DENND5B: variants seen among roughly 807,000 people sequenced by gnomAD.
DENND5B encodes the protein DENN domain-containing protein 5B.
DENND5B carries 34 observed loss-of-function variants against 140.6 expected under a neutral mutation model. The observed-to-expected ratio is 0.24, with a 90% confidence interval of 0.18 to 0.32. DENND5B has a LOEUF of 0.32. Ranked by LOEUF, DENND5B falls within the 10% of genes least tolerant of loss-of-function variation. The pLI is 1.00. For missense variants in DENND5B, 1,142 were observed against 1,560.2 expected, an observed-to-expected ratio of 0.73 and a Z score of 4.52; for synonymous variants, 551 against 562.1, an observed-to-expected ratio of 0.98 and a Z score of 0.28.
At chr12:31,471,431 G>A (rs1018184827) in intron 3 of DENND5B, among the ~76,000 whole-genome samples, 1 of 151,110 alleles carries the variant, frequency 6.6e-6, no homozygotes, top group Admixed American at 6.6e-5. Flanking sequence ...CCAAGTAGCT[G>A]AGATTACAAT....
chr12:31,511,847 T>C (rs1395671320), intron 1 of DENND5B, among the ~76,000 whole-genome samples: 2 of 151,688 alleles, frequency 1.3e-5, no homozygotes, highest in South Asian at 2.1e-4. Flanking sequence ...GCTTTGAAAA[T>C]GATTCATTTC....
intron 1 of DENND5B, 196 bp downstream of exon 1, chr12:31,590,510 G>T: frequency 1.5e-6 from 1 of 647,898 alleles, no homozygotes; most frequent in Non-Finnish European, 2.3e-6. Context: ...CCCGGTGGGC[G>T]CAGCCGCAAA....
chr12:31,492,645 A>G (rs1359193300), intron 2 of DENND5B, among the ~76,000 whole-genome samples: 1 of 152,212 alleles, frequency 6.6e-6, no homozygotes, highest in African/African-American at 2.4e-5. Flanking sequence ...TGATCTATTC[A>G]TATTCTTATC....
intron 13 of DENND5B, among the ~76,000 whole-genome samples, chr12:31,410,433 C>T (rs971344909): frequency 3.9e-5 from 6 of 152,070 alleles, no homozygotes; most frequent in African/African-American, 9.7e-5. Context: ...GATGAGGTCT[C>T]GTTCTATAAC....
intron 1 of DENND5B, among the ~76,000 whole-genome samples, chr12:31,547,797 C>G (rs1347987779): frequency 1.3e-5 from 2 of 151,360 alleles, no homozygotes; most frequent in Non-Finnish European, 2.9e-5. Flanking sequence ...CCTCTACCAC[C>G]GGGTTCAAGC....
rs186749018 is a variant in DENND5B, at chr12:31,580,881, G to A, written c.127+9825C>T. ...AGCACTTTGAGAGGCCAAGATGGGC[G>A]GATCCCTTGAGCCCAGGAGTTCAAG... is the stretch of plus-strand genomic sequence containing the variant. On this transcript the variant is annotated intron_variant, in intron 1 of 20. Transcript: ENST00000389082. Among the ~76,000 whole-genome samples the A allele has an allele frequency of 8.1e-3, 1,233 of 152,140 alleles. 11 individuals carry two copies. The highest frequency in any genetic ancestry group is 0.028 in the African/African-American group (1,145 of 41,500).
At chr12:31,473,680 G>A (rs1429720839) in intron 3 of DENND5B, among the ~76,000 whole-genome samples, 1 of 152,174 alleles carries the variant, frequency 6.6e-6, no homozygotes, top group East Asian at 1.9e-4. Flanking sequence ...ATTGGATATT[G>A]ATTTAAAGTG....
At chr12:31,472,484 G>T (rs778808622) in intron 3 of DENND5B, among the ~76,000 whole-genome samples, 11 of 152,118 alleles carry the variant, frequency 7.2e-5, no homozygotes, top group Non-Finnish European at 1.5e-4. Flanking sequence ...TAGAGACAGG[G>T]TTTCCCTATG....
intron 2 of DENND5B, among the ~76,000 whole-genome samples, chr12:31,488,585 G>C (rs1946402108): frequency 6.6e-6 from 1 of 152,076 alleles, no homozygotes; most frequent in Non-Finnish European, 1.5e-5. Flanking sequence ...AAAAAAGTAA[G>C]AACTATATAT....
At chr12:31,509,227 C>A (rs1440447116) in intron 1 of DENND5B, among the ~76,000 whole-genome samples, 1 of 152,184 alleles carries the variant, frequency 6.6e-6, no homozygotes, top group Admixed American at 6.5e-5. Flanking sequence ...AACGTTTACA[C>A]AACCAAGCTC....
chr12:31,531,845 G>A (rs1150955), intron 1 of DENND5B, among the ~76,000 whole-genome samples: 124,148 of 152,184 alleles, frequency 0.82, 50,968 homozygotes, highest in African/African-American at 0.9. Context: ...AACTGGCCTA[G>A]AAGTAAAATC....
At position 31,386,252 on chromosome 12, in the gene DENND5B, T is replaced by C. The variant is rs1940845820; in HGVS notation, c.*1351A>G. Reference sequence around the variant, plus strand: ...AATTTTGCTGCTAAAAATGTACAAATGCCTAATTAGAGTTACAGGACCTAC... The same window carrying C: ...AATTTTGCTGCTAAAAATGTACAAACGCCTAATTAGAGTTACAGGACCTAC... On this transcript the variant is annotated 3_prime_UTR_variant, in exon 21 of 21. Transcript: ENST00000389082. 1 of 154,838 alleles carries C rather than the reference T, an allele frequency of 6.5e-6. No homozygotes were observed. Among genetic ancestry groups the C allele is most frequent in the Non-Finnish European group, 1.5e-5 (1 of 68,228 alleles). The allele number at this position is 154,838 out of a possible 1,614,324, so 9.6% of individuals were successfully genotyped here. A position where few individuals can be genotyped will look rare whatever the true frequency, so the allele number is the denominator to read the frequency against.
chr12:31,424,793 T>C (rs1943163395), intron 9 of DENND5B, 106 bp from the exon 10 acceptor site: 3 of 1,420,674 alleles, frequency 2.1e-6, no homozygotes, highest in Non-Finnish European at 2.9e-6. Flanking sequence ...ATACTTCTAT[T>C]TGCAGATTTG....
chr12:31,532,864 T>C (rs779704090), intron 1 of DENND5B, among the ~76,000 whole-genome samples: 1 of 152,224 alleles, frequency 6.6e-6, no homozygotes, highest in Non-Finnish European at 1.5e-5. Flanking sequence ...GGCTGAATTA[T>C]TTTGTACAAT....
At chr12:31,419,201 TACTC>T (rs1207296107) in intron 11 of DENND5B, among the ~76,000 whole-genome samples, 3 of 152,194 alleles carry the variant, frequency 2.0e-5, no homozygotes, top group African/African-American at 7.2e-5. Flanking sequence ...TAATTGAAAA[TACTC>T]AAACAATAGG....
chr12:31,413,483 G>A lies in DENND5B; in HGVS notation c.2634C>T (p.Leu878=). 2 of 1,613,854 alleles carry A rather than the reference G, an allele frequency of 1.2e-6. No individual in the cohort carries two copies. The change falls in exon 13 of 21, where the codon CTC becomes CTT. Residue 878 remains leucine (L), a synonymous_variant. Coordinates refer to ENST00000389082, the MANE Select transcript of DENND5B (RefSeq NM_144973.4). ...GCAACTGCTTAAGATGCTGGGACAA[G>A]AGCTTCTTTTCTAGAGACAGTCTTA... ...AWIRLSLEKK[L]LSQHLKQLLS...
rs1389921212 is a variant in DENND5B at position 31,590,921 on chromosome 12, T to C, written c.-89A>G. ...CCACCACCGCTCCGGCTGTGGTCTGTGCGCCCGCCCTAGGGCGACACTGGC... is the reference window on the plus strand; with the variant it reads ...CCACCACCGCTCCGGCTGTGGTCTGCGCGCCCGCCCTAGGGCGACACTGGC... On this transcript the variant is annotated 5_prime_UTR_variant, in exon 1 of 21. Transcript: ENST00000389082. 8.8e-7 allele frequency: 1 copy of C among 1,141,560 alleles called. No individual in the cohort carries two copies. The highest frequency in any genetic ancestry group is 4.4e-5 in the East Asian group (1 of 22,822). The allele number at this position is 1,141,560 out of a possible 1,614,324, so 70.7% of individuals were successfully genotyped here. A position where few individuals can be genotyped will look rare whatever the true frequency, so the allele number is the denominator to read the frequency against.
At chr12:31,495,316 C>T (rs995197955) in intron 2 of DENND5B, among the ~76,000 whole-genome samples, 1 of 151,846 alleles carries the variant, frequency 6.6e-6, no homozygotes. Flanking sequence ...AAACCCTGGG[C>T]AAGTAACTTG....
chr12:31,572,862 T>C (rs1178394724), intron 1 of DENND5B, among the ~76,000 whole-genome samples: 1 of 152,162 alleles, frequency 6.6e-6, no homozygotes. Context: ...TCCCGAAATA[T>C]ACCATTTTAG....
Sources: allele counts gnomAD v4.1 joint callset (sites outside exome capture counted in the v4.1 genomes callset), GRCh38; gene constraint gnomAD v4.1.1; transcripts MANE v1.5; gene names NCBI Gene and HGNC (gene_info 2026-07-23, HGNC 2026-07-21).